The following F5 variants were observed in gnomAD, a reference collection of about 807,000 sequenced individuals.
F5 encodes the protein activated protein c cofactor.
A neutral mutation model predicts 216.4 loss-of-function variants in F5; 138 were observed. The observed-to-expected ratio is 0.64, with a 90% CI of 0.56 to 0.73. The LOEUF (loss-of-function observed/expected upper bound fraction) is 0.73, where lower values mean the gene tolerates loss of function less well. Ranked by LOEUF, F5 falls within the 30% of genes least tolerant of loss-of-function variation. F5 has a pLI of 0.00. For missense variants in F5, 2,403 were observed against 2,674.0 expected (o/e 0.90, Z 2.24); for synonymous variants, 916 against 930.7 (o/e 0.98, Z 0.29).
chr1:169,580,702 A>G (rs911716906), intron 2 of F5, among the ~76,000 whole-genome samples: 3 of 152,172 alleles, frequency 2.0e-5, no homozygotes, highest in African/African-American at 4.8e-5. Flanking sequence ...ATAAAAGAAT[A>G]TTTAAATGCA....
In F5 at chr1:169,514,284, C is replaced by T. The variant is rs367858149; in HGVS notation, c.*29G>A. The T allele has an allele frequency of 1.2e-4, 189 of 1,611,484 alleles. No homozygotes were observed. The highest frequency in any genetic ancestry group is 1.6e-4 in the Non-Finnish European group (185 of 1,178,126). ...TAAATGGTTTGAGGTCTTAAAGAGT[C>T]TCTTCCAGGGGTTTTTGAATGTTCA... is the stretch of plus-strand genomic sequence containing the variant. On this transcript the variant is annotated 3_prime_UTR_variant, in exon 25 of 25. Coordinates refer to ENST00000367797, the MANE Select transcript of F5 (RefSeq NM_000130.5).
chr1:169,515,347 G>T, intron 24 of F5, 97 bp downstream of exon 24: 1 of 1,360,400 alleles, frequency 7.4e-7, no homozygotes, highest in Non-Finnish European at 1.0e-6. Context: ...TAAAGAGGTG[G>T]TACATGTCAC....
intron 7 of F5, among the ~76,000 whole-genome samples, 173 bp downstream of exon 7, chr1:169,555,009 T>C (rs1416918433): frequency 6.6e-6 from 1 of 152,188 alleles, no homozygotes; most frequent in South Asian, 2.1e-4. Context: ...TTAGGCTGAA[T>C]TTCTTTGGTG....
Position 169,525,955 on chromosome 1 carries a change from C to T in F5, c.5662G>A (p.Val1888Ile). The stretch of plus-strand genomic sequence containing the variant: ...ATCCCTGCTCTCTGGTTTTCTCCAA[C>T]CTCTGTGTTTAGGAGCCACCAGCCA... ...KPGWWLLNTE[V>I]GENQRAGMQT... Residue 1888 changes from valine to isoleucine, a missense_variant, in exon 18 of 25, where the codon GTT becomes ATT. Val to Ile is a conservative substitution (Grantham distance 29). This residue lies in a region of F5 where 659 missense variants were observed against 787.9 expected (regional missense o/e 0.84). Transcript: ENST00000367797. The T allele has an allele frequency of 6.2e-7, 1 of 1,613,350 alleles. No individual in the cohort carries two copies. Among genetic ancestry groups the T allele is most frequent in the African/African-American group, 1.3e-5 (1 of 74,978 alleles).
chr1:169,580,999 G>T (rs1660973937), intron 2 of F5, among the ~76,000 whole-genome samples: 1 of 152,162 alleles, frequency 6.6e-6, no homozygotes, highest in African/African-American at 2.4e-5. Context: ...GAAGAGGGAA[G>T]ATTTAATTCT....
intron 17 of F5, among the ~76,000 whole-genome samples, chr1:169,526,639 A>G (rs1659459089): frequency 6.6e-6 from 1 of 152,078 alleles, no homozygotes. Context: ...GTGAAAATGA[A>G]TAGATATGAT....
At position 169,540,730 on chromosome 1, in the gene F5, T is replaced by C. The variant is rs577687603; in HGVS notation, c.4360A>G (p.Ile1454Val). The change falls in exon 13 of 25, where the codon ATA (isoleucine) becomes GTA (valine). Residue 1454 changes from isoleucine (I) to valine (V), a missense_variant. By Grantham distance (29) the Ile-to-Val change is conservative. Transcript: ENST00000367797. ...DTTLLPDLSQ[I>V]SPPPDLDQIF... ...TGATCAAGGTCTGGAGGAGGTGATATCTGGCTGAGATCCGGGAGAAGGGTG... is the reference window on the plus strand; with the variant it reads ...TGATCAAGGTCTGGAGGAGGTGATACCTGGCTGAGATCCGGGAGAAGGGTG... The C allele has an allele frequency of 2.5e-6, 4 of 1,614,024 alleles. No individual in the cohort carries two copies. The highest frequency in any genetic ancestry group is 1.6e-4 in the Middle Eastern group (1 of 6,062).
intron 13 of F5, among the ~76,000 whole-genome samples, chr1:169,539,432 C>A (rs1312328564): frequency 1.3e-5 from 2 of 151,864 alleles, no homozygotes; most frequent in Non-Finnish European, 2.9e-5. Context: ...GCATCTCACT[C>A]CCTCGGGGCC....
intron 1 of F5, 28 bp downstream of exon 1, chr1:169,586,201 G>T (rs968345957): frequency 6.2e-7 from 1 of 1,613,436 alleles, no homozygotes. Flanking sequence ...CTCTAGAGAA[G>T]CCCACCCGGA....
chr1:169,583,489 T>C (rs1475169661), intron 1 of F5, among the ~76,000 whole-genome samples: 3 of 152,196 alleles, frequency 2.0e-5, no homozygotes, highest in African/African-American at 4.8e-5. Context: ...CTACCTCTTA[T>C]TGTTTTACTT....
chr1:169,555,843 G>C (rs1239560480), intron 6 of F5, among the ~76,000 whole-genome samples: 1 of 151,978 alleles, frequency 6.6e-6, no homozygotes, highest in African/African-American at 2.4e-5. Context: ...CGGATATCAT[G>C]ATGGTTTTAT....
chr1:169,546,387 A>G (rs1660002678), intron 11 of F5, 55 bp downstream of exon 11: 4 of 1,606,918 alleles, frequency 2.5e-6, no homozygotes, highest in African/African-American at 1.3e-5. Context: ...AGGCACAGTC[A>G]TATTTCAACC....
intron 9 of F5, 119 bp from the exon 10 acceptor site, chr1:169,550,134 T>G: frequency 2.4e-6 from 2 of 826,788 alleles, no homozygotes; most frequent in Non-Finnish European, 3.9e-6. Flanking sequence ...TTTATTTTTA[T>G]TTTTTTTAAA....
chr1:169,571,436 A>T (rs1404501294), intron 3 of F5, among the ~76,000 whole-genome samples: 1 of 152,150 alleles, frequency 6.6e-6, no homozygotes. Context: ...CAGAGATGCT[A>T]AAGTCGTAGA....
At chr1:169,576,349 C>G (rs34580812) in intron 2 of F5, among the ~76,000 whole-genome samples, 37,306 of 152,024 alleles carry the variant, frequency 0.25, 5,396 homozygotes, top group South Asian at 0.36. Flanking sequence ...AACTCCTACT[C>G]CTGGAGTTTA....
chr1:169,561,755 G>A (rs1660491883), intron 3 of F5, among the ~76,000 whole-genome samples: 2 of 152,092 alleles, frequency 1.3e-5, no homozygotes, highest in African/African-American at 2.4e-5. Context: ...AGAAGAAGGT[G>A]AGAACATCAG....
chr1:169,521,914 C>T (rs905426360), intron 21 of F5, among the ~76,000 whole-genome samples: 2 of 146,608 alleles, frequency 1.4e-5, no homozygotes, highest in African/African-American at 5.0e-5. Context: ...CCACTGCGCC[C>T]GGCCAAGAAG....
intron 20 of F5, 37 bp downstream of exon 20, chr1:169,523,764 C>G (rs779854404): frequency 6.8e-7 from 1 of 1,463,608 alleles, no homozygotes; most frequent in African/African-American, 1.4e-5. Flanking sequence ...TTTATTATTA[C>G]GATAGCAGTA....
At chr1:169,519,690 G>A (rs1659246539) in intron 22 of F5, among the ~76,000 whole-genome samples, 1 of 152,166 alleles carries the variant, frequency 6.6e-6, no homozygotes, top group Non-Finnish European at 1.5e-5. Flanking sequence ...GGTGTGCCAC[G>A]GCAGGTTTCT....
Sources: gnomAD v4.1 joint callset for allele counts (sites outside exome capture counted in the v4.1 genomes callset) on GRCh38, gnomAD v4.1.1 for gene constraint, gnomAD v4.1.1 regional missense constraint, MANE v1.5 for transcripts, NCBI Gene and HGNC (gene_info 2026-07-23, HGNC 2026-07-21) for gene names.